The following ACSL1 variants were observed in gnomAD, a reference collection of about 807,000 sequenced individuals.
The protein encoded by ACSL1 is long-chain-fatty-acid--CoA ligase 1.
Under a neutral mutation model 98.4 loss-of-function variants are expected in ACSL1, and 41 were observed. The observed-to-expected ratio is 0.42, with a 90% confidence interval of 0.32 to 0.54. The LOEUF (loss-of-function observed/expected upper bound fraction) is 0.54. ACSL1 is among the 20% of genes least tolerant of loss of function. ACSL1 has a pLI of 0.13. For synonymous variants in ACSL1, 316 were observed against 322.7 expected (o/e 0.98, Z 0.22); for missense variants, 734 against 883.1 (o/e 0.83, Z 2.14).
rs550360515 is a variant in ACSL1 at position 184,815,163 on chromosome 4, G to A, written c.-33+10753C>T. 3.5e-5 allele frequency: 16 copies of A among 454,350 alleles called. No homozygotes were observed. In the Middle Eastern group the frequency reaches 1.3e-3, roughly 37 times the overall value. 28.1% of individuals were successfully genotyped at this position (454,350 alleles called of 1,614,324 possible). A position where few individuals can be genotyped will look rare whatever the true frequency, so the allele number is the denominator to read the frequency against. On this transcript the variant is annotated intron_variant, in intron 1 of 20. Transcript: ENST00000281455. ...AACAGTACGCATGCACCAGGCATCC[G>A]AGGGAGGGCTGTCCAGAGAGCTGAG...
rs1773376926 is a variant in ACSL1 at position 184,825,280 on chromosome 4, A to C, written c.-33+636T>G. 1 of 984,062 alleles carries C rather than the reference A, an allele frequency of 1.0e-6. No homozygotes were observed. Among genetic ancestry groups the C allele is most frequent in the African/African-American group, 1.7e-5 (1 of 57,192 alleles). 61.0% of individuals were successfully genotyped at this position (984,062 alleles called of 1,614,324 possible). A position where few individuals can be genotyped will look rare whatever the true frequency, so the allele number is the denominator to read the frequency against. ...GACATCATCTTTGCTTCTCAATTTC[A>C]AAAAATGCCAGCACTCCTTAGATCA... On this transcript the variant is annotated intron_variant, in intron 1 of 20. Coordinates refer to ENST00000281455, the MANE Select transcript of ACSL1 (RefSeq NM_001995.5). The surrounding 1 kb of genome is among the most constrained non-coding windows in gnomAD (Gnocchi z 4.7).
chr4:184,793,668 G>A (rs1768815159), intron 2 of ACSL1, among the ~76,000 whole-genome samples: 2 of 152,170 alleles, frequency 1.3e-5, no homozygotes. Context: ...AAGGGAGAGT[G>A]AGAGAGAGGA....
At position 184,775,894 on chromosome 4, in the gene ACSL1, G is replaced by A. The variant is rs144296114; in HGVS notation, c.756+590C>T. Among the ~76,000 whole-genome samples, 267 of 152,236 alleles carry A rather than the reference G, an allele frequency of 1.8e-3. 5 individuals are homozygous for A. In the East Asian group the frequency reaches 0.036, roughly 20 times the overall value. The stretch of plus-strand genomic sequence containing the variant: ...GAACTCTAATCCAAGTCCAACTGAC[G>A]GGGATCAACTTCTTATATCATCTGA... On this transcript the variant is annotated intron_variant, in intron 7 of 20. Transcript: ENST00000281455.
intron 2 of ACSL1, among the ~76,000 whole-genome samples, chr4:184,794,631 C>T (rs1374300318): frequency 6.6e-6 from 1 of 152,194 alleles, no homozygotes; most frequent in African/African-American, 2.4e-5. Context: ...GGGCTGCTTC[C>T]CTTCTCAGTC....
At chr4:184,816,806 G>A (rs1772676637) in intron 1 of ACSL1, among the ~76,000 whole-genome samples, 1 of 152,028 alleles carries the variant, frequency 6.6e-6, no homozygotes, top group Admixed American at 6.6e-5. Flanking sequence ...ACCGCGTGGG[G>A]GTATCATGTG....
chr4:184,783,781 C>A, intron 4 of ACSL1, 146 bp downstream of exon 4: 1 of 751,694 alleles, frequency 1.3e-6, no homozygotes, highest in Non-Finnish European at 2.3e-6. Context: ...TGTCAAGTTT[C>A]TCCTTGGATG....
At chr4:184,800,066 T>G (rs1482994471) in intron 2 of ACSL1, among the ~76,000 whole-genome samples, 1 of 152,194 alleles carries the variant, frequency 6.6e-6, no homozygotes, top group African/African-American at 2.4e-5. Flanking sequence ...TTTACCTCTT[T>G]GGACTCAGTT....
rs758991091 is a variant in ACSL1, at chr4:184,768,266, C to T, written c.1128+50G>A. On this transcript the variant is annotated intron_variant, in intron 12 of 20. Transcript: ENST00000281455. ...CACAGCCCAATTCAAGCCCAAGCCC[C>T]TGCGTCCAAGTCAGTGCTCAGTCCT... is the stretch of plus-strand genomic sequence containing the variant. 12 of 1,569,350 alleles carry T rather than the reference C, an allele frequency of 7.6e-6. No individual in the cohort carries two copies. In the South Asian group the frequency reaches 1.2e-4, roughly 16 times the overall value.
At chr4:184,762,275 C>T in intron 17 of ACSL1, 132 bp downstream of exon 17, 2 of 767,100 alleles carry the variant, frequency 2.6e-6, no homozygotes, top group Non-Finnish European at 4.7e-6. Flanking sequence ...CTACATCATA[C>T]CACTCACCAA....
intron 5 of ACSL1, among the ~76,000 whole-genome samples, chr4:184,777,874 C>A (rs1410954037): frequency 6.6e-6 from 1 of 152,138 alleles, no homozygotes; most frequent in Non-Finnish European, 1.5e-5. Context: ...AGCGATCTGA[C>A]TGGCACAGAT....
In ACSL1 at chr4:184,803,320, C is replaced by T. The variant is rs751798490; in HGVS notation, c.195G>A (p.Ala65=). ...CDLSMQSVEV[A]GSGGARRSAL... ...GAGGCAGGCTGGGCCCTCCACTCAC[C>T]GCCACTTCCACTGACTGCATGGAGA... The change falls in exon 2 of 21, where the codon GCG becomes GCA. Residue 65 remains alanine (A), a splice_region_variant and synonymous_variant. Transcript: ENST00000281455. This position sits in a 1 kb window ranked among gnomAD's most constrained non-coding sequence, Gnocchi z 4.8. 11 of 1,573,958 alleles carry T rather than the reference C, an allele frequency of 7.0e-6. No individual in the cohort carries two copies. The highest frequency in any genetic ancestry group is 1.4e-5 in the African/African-American group (1 of 73,922).
chr4:184,792,837 G>T (rs1768636412), intron 2 of ACSL1, among the ~76,000 whole-genome samples: 3 of 152,208 alleles, frequency 2.0e-5, no homozygotes. Context: ...GCTGAGTGCT[G>T]GGAAGCAAAG....
rs916927457 is a variant in ACSL1 at position 184,761,993 on chromosome 4, G to A, written c.1638+414C>T. ...AATATAAAAATCAGCCAGGTGTGGT[G>A]GTGGGCACCTGTAATCCTAGATACT... On this transcript the variant is annotated intron_variant, in intron 17 of 20. Transcript: ENST00000281455. 2.6e-5 allele frequency among the ~76,000 whole-genome samples: 4 copies of A among 152,022 alleles called. No homozygotes were observed. The South Asian group carries it at 6.2e-4, about 24-fold the overall frequency.
At position 184,821,956 on chromosome 4, in the gene ACSL1, C is replaced by T. The variant is rs72705295; in HGVS notation, c.-33+3960G>A. Among the ~76,000 whole-genome samples, 976 of 152,236 alleles carry T rather than the reference C, an allele frequency of 6.4e-3. 8 individuals carry two copies. Among genetic ancestry groups the T allele is most frequent in the South Asian group, 0.016 (75 of 4,826 alleles). On this transcript the variant is annotated intron_variant, in intron 1 of 20. Coordinates refer to ENST00000281455, the MANE Select transcript of ACSL1 (RefSeq NM_001995.5). ...TAATCTCTGGAAGAGCTTCATTTTTCCTATTTCCCAAATTTTCTCCAGTAA... is the reference window on the plus strand; with the variant it reads ...TAATCTCTGGAAGAGCTTCATTTTTTCTATTTCCCAAATTTTCTCCAGTAA...
rs1200960988 is a variant in ACSL1 at position 184,766,785 on chromosome 4, C to T, written c.1129-29G>A. On this transcript the variant is annotated intron_variant, in intron 12 of 20. Transcript: ENST00000281455. This position sits in a 1 kb window ranked among gnomAD's most constrained non-coding sequence, Gnocchi z 4.8. Reference sequence around the variant, plus strand: ...ATGAGGCAAGACATGAGAAAGTTTTCACACCTACTAGGATGGCCAGAGTCA... The same window carrying T: ...ATGAGGCAAGACATGAGAAAGTTTTTACACCTACTAGGATGGCCAGAGTCA... 1 of 1,601,000 alleles carries T rather than the reference C, an allele frequency of 6.2e-7. No individual in the cohort carries two copies. The highest frequency in any genetic ancestry group is 1.7e-5 in the Admixed American group (1 of 59,572).
At chr4:184,768,589 A>T (rs1763989569) in intron 11 of ACSL1, 139 bp from the exon 12 acceptor site, 36 of 1,220,944 alleles carry the variant, frequency 2.9e-5, no homozygotes, top group South Asian at 1.4e-4. Flanking sequence ...TAGGTAACTT[A>T]AAAAAAATGT....
chr4:184,778,763 A>G (rs1450447209), intron 5 of ACSL1, among the ~76,000 whole-genome samples: 1 of 152,124 alleles, frequency 6.6e-6, no homozygotes, highest in Non-Finnish European at 1.5e-5. Context: ...GAAGGAACCT[A>G]TTTCTTATTT....
intron 1 of ACSL1, among the ~76,000 whole-genome samples, chr4:184,817,528 T>C (rs530261059): frequency 6.6e-6 from 1 of 152,182 alleles, no homozygotes; most frequent in Non-Finnish European, 1.5e-5. Context: ...TGAGCAGCCC[T>C]GCAGCCTCTT....
At chr4:184,824,787 T>G (rs565381058) in intron 1 of ACSL1, among the ~76,000 whole-genome samples, 2 of 152,176 alleles carry the variant, frequency 1.3e-5, no homozygotes, top group East Asian at 3.9e-4. Context: ...AACTCAAACT[T>G]TAAGTTTTAG....
Sources: gnomAD v4.1 joint callset for allele counts (sites outside exome capture counted in the v4.1 genomes callset) on GRCh38, gnomAD v4.1.1 for gene constraint, Gnocchi (gnomAD v3.1) non-coding constraint, MANE v1.5 for transcripts, NCBI Gene and HGNC (gene_info 2026-07-23, HGNC 2026-07-21) for gene names.